AQP8: variants seen among roughly 807,000 people sequenced by gnomAD.
The protein encoded by AQP8 is aquaporin 8.
A neutral mutation model predicts 26.1 loss-of-function variants in AQP8; 14 were observed. That is an observed-to-expected ratio of 0.54 (90% CI 0.35 to 0.84). AQP8 has a LOEUF of 0.84. Among genes scored for constraint, AQP8 ranks in the 40% least tolerant of loss-of-function variants. The pLI, the probability that AQP8 is intolerant of heterozygous loss-of-function variation, is 0.01. For synonymous variants in AQP8, 131 were observed against 150.7 expected (o/e 0.87, Z 0.96); for missense variants, 301 against 340.5 (o/e 0.88, Z 0.91).
intron 3 of AQP8, among the ~76,000 whole-genome samples, chr16:25,223,110 A>T (rs2881054): frequency 0.2 from 31,144 of 152,272 alleles, 3,541 homozygotes; most frequent in Non-Finnish European, 0.26. Flanking sequence ...GTGAGCTGGG[A>T]GCTGTCAGTA....
chr16:25,228,755 A>C lies in AQP8; in HGVS notation c.*263A>C. ...CAGAGAGCAGTGCAAACACCACAAC[A>C]CGAGCGTGTTTCTTGAGAGGAATGT... On this transcript the variant is annotated 3_prime_UTR_variant, in exon 6 of 6. Coordinates refer to ENST00000219660, the MANE Select transcript of AQP8 (RefSeq NM_001169.3). The C allele has an allele frequency of 2.8e-6, 1 of 351,948 alleles. No individual in the cohort carries two copies. Among genetic ancestry groups the C allele is most frequent in the East Asian group, 4.7e-5 (1 of 21,094 alleles). 21.8% of individuals were successfully genotyped at this position (351,948 alleles called of 1,614,324 possible). A position where few individuals can be genotyped will look rare whatever the true frequency, so the allele number is the denominator to read the frequency against.
chr16:25,222,284 AC>A (rs1455877302), intron 3 of AQP8, among the ~76,000 whole-genome samples: 19 of 152,230 alleles, frequency 1.2e-4, no homozygotes, highest in African/African-American at 4.6e-4. Context: ...TTATCTGCTG[AC>A]CTTCCCTCCA....
chr16:25,223,515 C>CA, intron 3 of AQP8, among the ~76,000 whole-genome samples: 1 of 151,504 alleles, frequency 6.6e-6, no homozygotes, highest in East Asian at 1.9e-4. Flanking sequence ...GCCTGGGCAA[C>CA]ATAGTAAGAC....
chr16:25,218,313 T>A (rs1962514580), intron 2 of AQP8, among the ~76,000 whole-genome samples: 1 of 152,170 alleles, frequency 6.6e-6, no homozygotes, highest in Admixed American at 6.5e-5. Flanking sequence ...GCAGTGGTCC[T>A]GGCTTGTCAA....
chr16:25,222,679 G>A (rs944972629), intron 3 of AQP8, among the ~76,000 whole-genome samples: 1 of 151,876 alleles, frequency 6.6e-6, no homozygotes, highest in East Asian at 1.9e-4. Context: ...GTGTGTGTGT[G>A]GGGGGTGGTG....
intron 4 of AQP8, among the ~76,000 whole-genome samples, 192 bp from the exon 5 acceptor site, chr16:25,226,876 G>C (rs563730354): frequency 1.3e-5 from 2 of 152,228 alleles, no homozygotes; most frequent in South Asian, 4.2e-4. Flanking sequence ...CGCCCAGCGG[G>C]GAGCCATGCC....
chr16:25,221,725 T>C, intron 3 of AQP8, 142 bp downstream of exon 3: 1 of 1,004,018 alleles, frequency 1.0e-6, no homozygotes, highest in Non-Finnish European at 1.4e-6. Context: ...TTGGTGGACG[T>C]TTTTCTTCTC....
Position 25,217,362 on chromosome 16 carries a change from T to C in AQP8, c.177T>C (p.Asn59=). 1 of 1,614,120 alleles carries C rather than the reference T, an allele frequency of 6.2e-7. No homozygotes were observed. Among genetic ancestry groups the C allele is most frequent in the Non-Finnish European group, 8.5e-7 (1 of 1,179,990 alleles). ...IFIGCLSVIE[N]GTDTGLLQPA... is the part of the protein sequence containing the mutation. ...TCGGGTGCCTGTCGGTCATTGAGAATGGGACGGACACTGGGCTGCTGCAGC... is the reference window on the plus strand; with the variant it reads ...TCGGGTGCCTGTCGGTCATTGAGAACGGGACGGACACTGGGCTGCTGCAGC... Residue 59 remains asparagine, a synonymous_variant, in exon 2 of 6, where the codon AAT becomes AAC. Coordinates refer to ENST00000219660, the MANE Select transcript of AQP8 (RefSeq NM_001169.3).
At chr16:25,224,724 A>C (rs755818099) in intron 4 of AQP8, 148 bp downstream of exon 4, 7 of 782,304 alleles carry the variant, frequency 8.9e-6, no homozygotes, top group Non-Finnish European at 1.4e-5. Flanking sequence ...TCAGGCAGAC[A>C]ACAGGGAGTG....
intron 1 of AQP8, 47 bp downstream of exon 1, chr16:25,217,104 G>T: frequency 6.2e-7 from 1 of 1,613,828 alleles, no homozygotes; most frequent in Non-Finnish European, 8.5e-7. Flanking sequence ...CAGAGCAAGG[G>T]GGGCTGTGAA....
At position 25,227,154 on chromosome 16, in the gene AQP8, A is replaced by G. The variant is rs1238200436; in HGVS notation, c.689A>G (p.Tyr230Cys). Residue 230 changes from tyrosine (Y) to cysteine (C), a missense_variant, in exon 5 of 6, where the codon TAC becomes TGC. By Grantham distance (194) the Tyr-to-Cys change is radical. Coordinates refer to ENST00000219660, the MANE Select transcript of AQP8 (RefSeq NM_001169.3). ...VANHWNFHWI[Y>C]WLGPLLAGLL... ...AACCACTGGAACTTCCACTGGATCTACTGGCTGGGCCCACTCCTGGCTGGC... is the reference window on the plus strand; with the variant it reads ...AACCACTGGAACTTCCACTGGATCTGCTGGCTGGGCCCACTCCTGGCTGGC... 3 of 1,613,916 alleles carry G rather than the reference A, an allele frequency of 1.9e-6. No homozygotes were observed. The highest frequency in any genetic ancestry group is 3.3e-5 in the Admixed American group (2 of 59,972).
At chr16:25,220,997 G>C (rs1962554842) in intron 2 of AQP8, among the ~76,000 whole-genome samples, 1 of 151,036 alleles carries the variant, frequency 6.6e-6, no homozygotes, top group African/African-American at 2.4e-5. Flanking sequence ...GCTGCAGTGA[G>C]CCGAGATCAC....
intron 2 of AQP8, among the ~76,000 whole-genome samples, chr16:25,220,440 G>T (rs1962546039): frequency 6.6e-6 from 1 of 152,108 alleles, no homozygotes; most frequent in Non-Finnish European, 1.5e-5. Flanking sequence ...CTGGCTCTGG[G>T]GCCTGGGCTG....
Position 25,217,234 on chromosome 16 carries a change from GC to G in AQP8, c.51del (p.Arg18GlyfsTer62). 6.2e-7 allele frequency: 1 copy of G among 1,614,152 alleles called. No homozygotes were observed. Among genetic ancestry groups the G allele is most frequent in the Non-Finnish European group, 8.5e-7 (1 of 1,180,036 alleles). ...MCEPEFGNDK[A>X]REPSVGGRWR... ...TGAGCCTGAATTTGGCAATGACAAG[GC>G]CAGGGAGCCGAGCGTGGGTGGCAGG... On this transcript the variant is annotated frameshift_variant, in exon 2 of 6. Transcript: ENST00000219660. LOFTEE classifies it high-confidence loss of function.
intron 3 of AQP8, among the ~76,000 whole-genome samples, chr16:25,222,903 G>A (rs1054105122): frequency 6.6e-5 from 10 of 152,176 alleles, no homozygotes; most frequent in East Asian, 1.9e-4. Flanking sequence ...GGCCAGACTC[G>A]AGCTCAAGCC....
chr16:25,227,456 T>C (rs1046563388), intron 5 of AQP8, among the ~76,000 whole-genome samples: 1 of 152,194 alleles, frequency 6.6e-6, no homozygotes, highest in African/African-American at 2.4e-5. Context: ...AGCAGTGGTT[T>C]CAGGTGGCGC....
chr16:25,220,444 T>A (rs549736576), intron 2 of AQP8, among the ~76,000 whole-genome samples: 1 of 152,170 alleles, frequency 6.6e-6, no homozygotes, highest in Non-Finnish European at 1.5e-5. Flanking sequence ...CTCTGGGGCC[T>A]GGGCTGGTTG....
At chr16:25,224,068 C>T (rs1398348046) in intron 3 of AQP8, among the ~76,000 whole-genome samples, 1 of 152,200 alleles carries the variant, frequency 6.6e-6, no homozygotes, top group Non-Finnish European at 1.5e-5. Flanking sequence ...CTCTAGTGAC[C>T]CACCCATCTC....
chr16:25,224,636 G>A, intron 4 of AQP8, 60 bp downstream of exon 4: 1 of 1,527,512 alleles, frequency 6.5e-7, no homozygotes, highest in Non-Finnish European at 8.9e-7. Flanking sequence ...AGCTCTGGGG[G>A]ATTTCAGGCC....
Sources: allele counts gnomAD v4.1 joint callset (sites outside exome capture counted in the v4.1 genomes callset), GRCh38; gene constraint gnomAD v4.1.1; transcripts MANE v1.5; gene names NCBI Gene and HGNC (gene_info 2026-07-23, HGNC 2026-07-21).